Variants in CACNA1E observed in about 807,000 individuals in gnomAD.
CACNA1E encodes the protein calcium voltage-gated channel subunit alpha1 E.
A neutral mutation model predicts 259.2 loss-of-function variants in CACNA1E; 40 were observed. That is an observed-to-expected ratio of 0.15 (90% CI 0.12 to 0.20). The LOEUF (loss-of-function observed/expected upper bound fraction) is 0.20, where lower values mean the gene tolerates loss of function less well. Among genes scored for constraint, CACNA1E ranks in the 10% least tolerant of loss-of-function variants. The pLI, the probability that CACNA1E is intolerant of heterozygous loss-of-function variation, is 1.00. For synonymous variants in CACNA1E, 1,104 were observed against 1,138.5 expected, an observed-to-expected ratio of 0.97 and a Z score of 0.61; for missense variants, 1,874 against 3,040.1, an observed-to-expected ratio of 0.62 and a Z score of 9.02.
intron 1 of CACNA1E, among the ~76,000 whole-genome samples, chr1:181,347,604 C>T (rs1286570436): frequency 6.6e-6 from 1 of 152,222 alleles, no homozygotes; most frequent in Non-Finnish European, 1.5e-5. Context: ...CCTCTGCACC[C>T]ACTCCTCCTC....
At chr1:181,757,193 T>C (rs1219799917) in intron 30 of CACNA1E, 67 bp downstream of exon 30, 59 of 1,110,918 alleles carry the variant, frequency 5.3e-5, no homozygotes, top group Non-Finnish European at 7.9e-5. Flanking sequence ...GCCAGCAATG[T>C]AAGAAAGGAG....
intron 6 of CACNA1E, among the ~76,000 whole-genome samples, chr1:181,620,104 A>G (rs1284326775): frequency 6.6e-6 from 1 of 152,216 alleles, no homozygotes; most frequent in Admixed American, 6.5e-5. Context: ...GAGTTTTATT[A>G]GTATATGGCC....
intron 1 of CACNA1E, among the ~76,000 whole-genome samples, chr1:181,388,008 G>A (rs1180244275): frequency 6.6e-6 from 1 of 152,146 alleles, no homozygotes; most frequent in East Asian, 1.9e-4. Flanking sequence ...CATGTGAACT[G>A]GTATTTGATG....
chr1:181,399,446 C>T (rs1656928036), intron 1 of CACNA1E, among the ~76,000 whole-genome samples: 3 of 152,196 alleles, frequency 2.0e-5, no homozygotes, highest in Non-Finnish European at 1.5e-5. Flanking sequence ...TACTTACAGA[C>T]CACTGATTTC....
At position 181,795,767 on chromosome 1, in the gene CACNA1E, A is replaced by AATATATAT. The variant is rs72040839; in HGVS notation, c.6208+736_6208+743dup. On this transcript the variant is annotated intron_variant, in intron 46 of 47. Transcript: ENST00000367573. ...AATTTCTTTTAAGCTTTTTGCTTTA[A>AATATATAT]ATATATATATATATATATATTAGTC... Among the ~76,000 whole-genome samples, 44 of 113,316 alleles carry AATATATAT rather than the reference A, an allele frequency of 3.9e-4. 3 individuals are homozygous for AATATATAT. Among genetic ancestry groups the AATATATAT allele is most frequent in the Admixed American group, 1.5e-3 (17 of 11,540 alleles). 74.3% of individuals were successfully genotyped at this position (113,316 alleles called of 152,430 possible).
intron 1 of CACNA1E, among the ~76,000 whole-genome samples, chr1:181,487,524 C>T (rs777549308): frequency 2.6e-5 from 4 of 152,226 alleles, no homozygotes; most frequent in Non-Finnish European, 5.9e-5. Context: ...TGGCACTTTC[C>T]TCTGCAGTGG....
Position 181,483,921 on chromosome 1 carries a change from G to T in CACNA1E, c.177G>T (p.Arg59=). The T allele has an allele frequency of 6.2e-7, 1 of 1,613,744 alleles. No individual in the cohort carries two copies. The highest frequency in any genetic ancestry group is 8.5e-7 in the Non-Finnish European group (1 of 1,179,792). ...CTTTGTACAACCCCATTCCCGTCCG[G>T]CAGAACTGTTTCACCGTCAACAGAT... ...TMALYNPIPV[R]QNCFTVNRSL... Residue 59 remains arginine, a synonymous_variant, in exon 1 of 48, where the codon CGG becomes CGT. Coordinates refer to ENST00000367573, the MANE Select transcript of CACNA1E (RefSeq NM_001205293.3).
At chr1:181,376,299 C>A (rs1453893324) in intron 1 of CACNA1E, among the ~76,000 whole-genome samples, 1 of 152,068 alleles carries the variant, frequency 6.6e-6, no homozygotes, top group Non-Finnish European at 1.5e-5. Flanking sequence ...AAACTCTGAC[C>A]AGAATTACCC....
intron 7 of CACNA1E, among the ~76,000 whole-genome samples, chr1:181,669,591 C>T (rs910049066): frequency 1.3e-5 from 2 of 152,178 alleles, no homozygotes; most frequent in East Asian, 1.9e-4. Flanking sequence ...CACAGGATTA[C>T]GAAGAAGGGC....
At chr1:181,470,066 A>C (rs148705732) in intron 2 of CACNA1E, among the ~76,000 whole-genome samples, 1 of 151,256 alleles carries the variant, frequency 6.6e-6, no homozygotes, top group Non-Finnish European at 1.5e-5. Flanking sequence ...AGAGAGAGAG[A>C]GTGAGAGAGA....
At chr1:181,581,761 T>C (rs753820376) in intron 6 of CACNA1E, among the ~76,000 whole-genome samples, 2 of 152,192 alleles carry the variant, frequency 1.3e-5, no homozygotes, top group Non-Finnish European at 2.9e-5. Flanking sequence ...TTTGAAGGAC[T>C]GTACCCTTAC....
chr1:181,727,762 T>A (rs1221728727), intron 18 of CACNA1E, among the ~76,000 whole-genome samples: 1 of 151,892 alleles, frequency 6.6e-6, no homozygotes, highest in East Asian at 1.9e-4. Flanking sequence ...TGTGGGAGGG[T>A]CCGAGACCCC....
intron 1 of CACNA1E, among the ~76,000 whole-genome samples, chr1:181,388,885 C>A (rs1393348658): frequency 4.7e-5 from 7 of 149,228 alleles, no homozygotes; most frequent in Non-Finnish European, 1.5e-5. Flanking sequence ...GAGTGAAACT[C>A]CATCTCCAAA....
At chr1:181,720,882 G>C (rs1274954566) in intron 15 of CACNA1E, 27 bp downstream of exon 15, 1 of 1,454,726 alleles carries the variant, frequency 6.9e-7, no homozygotes, top group Non-Finnish European at 9.6e-7. Context: ...CGGTTCACAA[G>C]TGCTGCATGG....
At chr1:181,574,399 C>T (rs115566028) in intron 3 of CACNA1E, among the ~76,000 whole-genome samples, 84 of 152,252 alleles carry the variant, frequency 5.5e-4, no homozygotes, top group Non-Finnish European at 1.1e-3. Flanking sequence ...AATAGTATCC[C>T]AGCTTGCTAC....
chr1:181,411,019 C>T (rs1322639447), intron 1 of CACNA1E, among the ~76,000 whole-genome samples: 1 of 152,158 alleles, frequency 6.6e-6, no homozygotes, highest in Non-Finnish European at 1.5e-5. Context: ...GATCTGGAGG[C>T]CAGAGTTCCT....
At position 181,736,405 on chromosome 1, in the gene CACNA1E, C is replaced by A; in HGVS notation, c.3393C>A (p.Ser1131Arg). Residue 1131 changes from serine (S) to arginine (R), a missense_variant, in exon 22 of 48, where the codon AGC (serine) becomes AGA (arginine). This residue lies in a region of CACNA1E where 56 missense variants were observed against 97.4 expected (regional missense o/e 0.57). Transcript: ENST00000367573. ...RETGKAMVPH[S>R]SMFIFSTTNP... Reference sequence around the variant, plus strand: ...CAGGCAAAGCCATGGTGCCCCACAGCTCAATGTTCATCTTCAGCACCACCA... The same window carrying A: ...CAGGCAAAGCCATGGTGCCCCACAGATCAATGTTCATCTTCAGCACCACCA... 1 of 1,612,798 alleles carries A rather than the reference C, an allele frequency of 6.2e-7. No homozygotes were observed. The highest frequency in any genetic ancestry group is 1.1e-5 in the South Asian group (1 of 90,626).
chr1:181,725,993 AG>A, intron 17 of CACNA1E, 71 bp from the exon 18 acceptor site: 1 of 1,005,712 alleles, frequency 9.9e-7, no homozygotes. Context: ...ACTCCTCCTT[AG>A]GAGAGCAGCC....
chr1:181,447,827 T>G (rs544092160), intron 2 of CACNA1E, among the ~76,000 whole-genome samples: 2 of 152,340 alleles, frequency 1.3e-5, no homozygotes, highest in South Asian at 4.1e-4. Context: ...CTTCCCTTGC[T>G]GGCTGTAACC....
Sources: gnomAD v4.1 joint callset for allele counts (sites outside exome capture counted in the v4.1 genomes callset) on GRCh38, gnomAD v4.1.1 for gene constraint, gnomAD v4.1.1 regional missense constraint, MANE v1.5 for transcripts, NCBI Gene and HGNC (gene_info 2026-07-23, HGNC 2026-07-21) for gene names.